Variants in PKHD1L1 observed in about 807,000 individuals in gnomAD.
PKHD1L1 encodes the protein fibrocystin-L.
PKHD1L1 carries 434 observed loss-of-function variants against 462.9 expected under a neutral mutation model. That is an observed-to-expected ratio of 0.94 (90% CI 0.87 to 1.02). The LOEUF (loss-of-function observed/expected upper bound fraction) is 1.02, where lower values mean the gene tolerates loss of function less well. Among genes scored for constraint, PKHD1L1 ranks in the 50% least tolerant of loss-of-function variants. PKHD1L1 has a pLI of 0.00. For missense variants in PKHD1L1, 5,202 were observed against 5,096.1 expected (o/e 1.02, Z -0.63); for synonymous variants, 1,781 against 1,750.0 (o/e 1.02, Z -0.44).
intron 44 of PKHD1L1, 139 bp from the exon 45 acceptor site, chr8:109,454,584 T>G (rs553890326): frequency 2.3e-6 from 3 of 1,283,412 alleles, no homozygotes; most frequent in Admixed American, 2.5e-5. Context: ...AAGGTTTATC[T>G]TTCAAAAGAA....
rs577970251 is a variant in PKHD1L1, at chr8:109,475,347, C to T, written c.8757+78C>T. On this transcript the variant is annotated intron_variant, in intron 51 of 77. Coordinates refer to ENST00000378402, the MANE Select transcript of PKHD1L1 (RefSeq NM_177531.6). ...CTACATCCTCATACTTACTCACAGA[C>T]ATTGTCAGGCCAGAGGGACTTTCAT... is the stretch of plus-strand genomic sequence containing the variant. 38 of 1,146,480 alleles carry T rather than the reference C, an allele frequency of 3.3e-5. No homozygotes were observed. In the African/African-American group the frequency reaches 5.7e-4, roughly 17 times the overall value. The allele number at this position is 1,146,480 out of a possible 1,614,324, so 71.0% of individuals were successfully genotyped here. A position where few individuals can be genotyped will look rare whatever the true frequency, so the allele number is the denominator to read the frequency against.
chr8:109,379,794 A>G (rs1481356190), intron 2 of PKHD1L1, among the ~76,000 whole-genome samples: 8 of 152,126 alleles, frequency 5.3e-5, no homozygotes, highest in Admixed American at 6.6e-5. Flanking sequence ...ACCATGGTCT[A>G]CTCAGTTTGA....
chr8:109,382,406 T>C, intron 3 of PKHD1L1, 57 bp from the exon 4 acceptor site: 2 of 1,437,710 alleles, frequency 1.4e-6, no homozygotes, highest in Non-Finnish European at 1.9e-6. Context: ...TCATTAATAC[T>C]ATACACTAAA....
At chr8:109,460,710 C>G (rs1817073630) in intron 47 of PKHD1L1, among the ~76,000 whole-genome samples, 1 of 152,162 alleles carries the variant, frequency 6.6e-6, no homozygotes, top group South Asian at 2.1e-4. Context: ...AGGTTATGCT[C>G]TATTTACAAA....
chr8:109,481,391 TG>T, intron 55 of PKHD1L1, 41 bp from the exon 56 acceptor site: 1 of 1,512,540 alleles, frequency 6.6e-7, no homozygotes. Flanking sequence ...TTTTTTTTCC[TG>T]GTCAATTTTT....
Position 109,412,414 on chromosome 8 carries a change from G to T in PKHD1L1, c.2235G>T (p.Gln745His), listed in dbSNP as rs1478584665. The T allele has an allele frequency of 6.2e-7, 1 of 1,602,510 alleles. No individual in the cohort carries two copies. The highest frequency in any genetic ancestry group is 8.5e-7 in the Non-Finnish European group (1 of 1,173,886). ...YGDILLFPYN[Q>H]LCLAYKGFLA... ...ATATTTTATTGTTTCCTTATAATCAGGTAAGCTCAACAAAATGATATGCTA... is the reference window on the plus strand; with the variant it reads ...ATATTTTATTGTTTCCTTATAATCATGTAAGCTCAACAAAATGATATGCTA... The change falls in exon 20 of 78, where the codon CAG becomes CAT. Residue 745 changes from glutamine to histidine, a missense_variant and splice_region_variant. Gln to His is a conservative substitution (Grantham distance 24, BLOSUM62 0). This residue lies in a region of PKHD1L1 where 4,497 missense variants were observed against 4,336.8 expected (regional missense o/e 1.04). Coordinates refer to ENST00000378402, the MANE Select transcript of PKHD1L1 (RefSeq NM_177531.6).
In PKHD1L1 at chr8:109,464,992, T is replaced by C; in HGVS notation, c.8160T>C (p.Ser2720=). 4.3e-6 allele frequency: 7 copies of C among 1,613,856 alleles called. No homozygotes were observed. Among genetic ancestry groups the C allele is most frequent in the Non-Finnish European group, 5.9e-6 (7 of 1,179,774 alleles). Residue 2720 remains serine (S), a synonymous_variant, in exon 49 of 78, where the codon TCT becomes TCC. Transcript: ENST00000378402. ...ATCTTGATGAACTGGGAATGGGGTC[T>C]GCATTTTGCACAGCAAAAGGCCTGG... ...VGHLDELGMG[S]AFCTAKGLVL... is the part of the protein sequence containing the mutation.
intron 60 of PKHD1L1, 84 bp from the exon 61 acceptor site, chr8:109,490,888 T>A: frequency 8.0e-7 from 1 of 1,254,364 alleles, no homozygotes. Flanking sequence ...AAAGGTTTGT[T>A]TACTGAAAAT....
At chr8:109,406,023 T>G (rs1813517728) in intron 16 of PKHD1L1, among the ~76,000 whole-genome samples, 2 of 152,342 alleles carry the variant, frequency 1.3e-5, no homozygotes, top group Middle Eastern at 3.4e-3. Context: ...CTTTTGCTAC[T>G]ACTGTTAATT....
At chr8:109,397,374 A>G (rs747306403) in intron 11 of PKHD1L1, among the ~76,000 whole-genome samples, 3 of 152,094 alleles carry the variant, frequency 2.0e-5, no homozygotes, top group Non-Finnish European at 4.4e-5. Context: ...CATCCATAAA[A>G]CACTCAAAAT....
At chr8:109,421,050 C>T (rs1360332230) in intron 23 of PKHD1L1, among the ~76,000 whole-genome samples, 1 of 151,826 alleles carries the variant, frequency 6.6e-6, no homozygotes, top group Non-Finnish European at 1.5e-5. Flanking sequence ...TTGTTATAAA[C>T]ACCATTTATT....
At chr8:109,467,960 T>G (rs1356743659) in intron 50 of PKHD1L1, among the ~76,000 whole-genome samples, 1 of 152,180 alleles carries the variant, frequency 6.6e-6, no homozygotes, top group Admixed American at 6.6e-5. Flanking sequence ...TTTTCTCTTA[T>G]AGTGTCAATA....
In PKHD1L1 at chr8:109,406,526, C is replaced by T. The variant is rs1016248107; in HGVS notation, c.1813+48C>T. 13 of 1,486,754 alleles carry T rather than the reference C, an allele frequency of 8.7e-6. No individual in the cohort carries two copies. The African/African-American group carries it at 1.4e-4, about 16-fold the overall frequency. The allele number at this position is 1,486,754 out of a possible 1,614,324, so 92.1% of individuals were successfully genotyped here. ...ACTTCTGTAGGAAACAAATGTATAT[C>T]CTGTGCCACTCTAAAAGTTCCATAA... On this transcript the variant is annotated intron_variant, in intron 17 of 77. Coordinates refer to ENST00000378402, the MANE Select transcript of PKHD1L1 (RefSeq NM_177531.6).
rs765577793 is a variant in PKHD1L1, at chr8:109,427,017, T to C, written c.2861T>C (p.Val954Ala). ...GTGAGTGCAGGCCTCCCCGCTGCTG[T>C]GTCAGCTGCAGATCTGCAGTTTGCA... ...GHILKGLPAA[V>A]SAADLQFALQ... Residue 954 changes from valine (V) to alanine (A), a missense_variant, in exon 25 of 78, where the codon GTG (valine) becomes GCG (alanine). By Grantham distance (64) the Val-to-Ala change is moderately conservative. This residue lies in a region of PKHD1L1 where 4,497 missense variants were observed against 4,336.8 expected (regional missense o/e 1.04). Transcript: ENST00000378402. 1.3e-6 allele frequency: 2 copies of C among 1,545,292 alleles called. No individual in the cohort carries two copies. Among genetic ancestry groups the C allele is most frequent in the Non-Finnish European group, 1.8e-6 (2 of 1,117,076 alleles).
In PKHD1L1 at chr8:109,464,781, CACTT is replaced by C. The variant is rs766469104; in HGVS notation, c.7953_7956del (p.Thr2652LeufsTer22). 30 of 1,613,650 alleles carry C rather than the reference CACTT, an allele frequency of 1.9e-5. No homozygotes were observed. The highest frequency in any genetic ancestry group is 2.4e-5 in the Non-Finnish European group (28 of 1,179,784). ...GTGCCTGCACCTGCAATATTTAACT[CACTT>C]ACTACTTGGAATTGTCAAAAAGGAG... On this transcript the variant is annotated frameshift_variant, in exon 49 of 78. Transcript: ENST00000378402. LOFTEE classifies it high-confidence loss of function.
chr8:109,491,167 G>A, intron 61 of PKHD1L1, 66 bp downstream of exon 61: 3 of 1,431,564 alleles, frequency 2.1e-6, no homozygotes, highest in Non-Finnish European at 2.8e-6. Flanking sequence ...ATATACTCTA[G>A]AGCTACACTG....
chr8:109,386,993 T>C (rs1182071411), intron 6 of PKHD1L1, among the ~76,000 whole-genome samples: 1 of 152,166 alleles, frequency 6.6e-6, no homozygotes, highest in Non-Finnish European at 1.5e-5. Flanking sequence ...TATGTAAATA[T>C]AGAATTTTTT....
intron 72 of PKHD1L1, among the ~76,000 whole-genome samples, chr8:109,516,915 G>T (rs529773195): frequency 2.0e-5 from 3 of 152,104 alleles, no homozygotes; most frequent in East Asian, 3.9e-4. Flanking sequence ...AAGGCACTTC[G>T]CTTCTTATCA....
At chr8:109,427,356 T>C (rs914079230) in intron 25 of PKHD1L1, among the ~76,000 whole-genome samples, 200 bp downstream of exon 25, 9 of 152,206 alleles carry the variant, frequency 5.9e-5, no homozygotes, top group Non-Finnish European at 1.2e-4. Context: ...GGAGAATAGC[T>C]GTTGGTACTT....
Sources: gnomAD v4.1 joint callset for allele counts (sites outside exome capture counted in the v4.1 genomes callset) on GRCh38, gnomAD v4.1.1 for gene constraint, gnomAD v4.1.1 regional missense constraint, MANE v1.5 for transcripts, NCBI Gene and HGNC (gene_info 2026-07-23, HGNC 2026-07-21) for gene names.